ZBTB20: variants seen among roughly 807,000 people sequenced by gnomAD.
The protein encoded by ZBTB20 is zinc finger and BTB domain containing 20, also known as zinc finger and BTB domain-containing protein 20.
ZBTB20 carries 9 observed loss-of-function variants against 56.9 expected under a neutral mutation model. The ratio of observed to expected loss-of-function variants is 0.16; its 90% CI spans 0.10 to 0.28. ZBTB20 has a LOEUF of 0.28. Ranked by LOEUF, ZBTB20 falls within the 10% of genes least tolerant of loss-of-function variation. ZBTB20 has a pLI of 1.00. For synonymous variants in ZBTB20, 417 were observed against 420.7 expected (o/e 0.99, Z 0.11); for missense variants, 655 against 1,003.0 (o/e 0.65, Z 4.69).
intron 7 of ZBTB20, among the ~76,000 whole-genome samples, chr3:114,473,486 T>G (rs940438238): frequency 6.6e-6 from 1 of 152,176 alleles, no homozygotes; most frequent in Admixed American, 6.5e-5. Context: ...AGAGGTTTTG[T>G]AGCCCGGCAA....
At chr3:114,622,137 G>A (rs973956028) in intron 6 of ZBTB20, among the ~76,000 whole-genome samples, 1 of 152,048 alleles carries the variant, frequency 6.6e-6, no homozygotes, top group Admixed American at 6.6e-5. Context: ...CTTCAACGCA[G>A]TTCTAATAGA....
At chr3:115,065,582 T>C (rs576741507) in intron 2 of ZBTB20, among the ~76,000 whole-genome samples, 113 of 152,318 alleles carry the variant, frequency 7.4e-4, no homozygotes, top group Middle Eastern at 3.4e-3. Context: ...AAAACATGTG[T>C]TCAATCACGA....
intron 2 of ZBTB20, among the ~76,000 whole-genome samples, chr3:114,977,797 T>C (rs1375448470): frequency 6.6e-6 from 1 of 152,160 alleles, no homozygotes; most frequent in East Asian, 1.9e-4. Context: ...TGTTTACTAC[T>C]TAAAATTAAA....
intron 3 of ZBTB20, among the ~76,000 whole-genome samples, chr3:114,925,857 G>A (rs34220194): frequency 0.26 from 40,001 of 152,060 alleles, 5,496 homozygotes; most frequent in Middle Eastern, 0.34. Flanking sequence ...CATCGTCAAT[G>A]TTAATTGTGG....
At chr3:114,514,214 T>C (rs542711071) in intron 6 of ZBTB20, among the ~76,000 whole-genome samples, 2 of 152,296 alleles carry the variant, frequency 1.3e-5, no homozygotes, top group African/African-American at 4.8e-5. Context: ...AAAGAGGACT[T>C]ATTTAGAGTT....
chr3:114,532,075 C>A (rs2110036746), intron 6 of ZBTB20, among the ~76,000 whole-genome samples: 1 of 152,324 alleles, frequency 6.6e-6, no homozygotes, highest in East Asian at 1.9e-4. Context: ...TGGGCAGACA[C>A]TGAGCTAGCT....
intron 3 of ZBTB20, among the ~76,000 whole-genome samples, chr3:114,921,867 T>C (rs1469045018): frequency 6.6e-6 from 1 of 151,938 alleles, no homozygotes; most frequent in Non-Finnish European, 1.5e-5. Flanking sequence ...GTATAATAAA[T>C]ATACACATAT....
intron 2 of ZBTB20, among the ~76,000 whole-genome samples, chr3:115,013,013 A>T (rs2079787231): frequency 6.6e-6 from 1 of 151,848 alleles, no homozygotes; most frequent in Non-Finnish European, 1.5e-5. Flanking sequence ...GATTTATTGG[A>T]ACAAATGATA....
chr3:114,971,871 C>G (rs1473006065), intron 3 of ZBTB20, among the ~76,000 whole-genome samples: 1 of 152,082 alleles, frequency 6.6e-6, no homozygotes, highest in Non-Finnish European at 1.5e-5. Flanking sequence ...GTTGGAGGCC[C>G]CTCCTCATCA....
chr3:114,613,395 CA>C (rs747856144), intron 6 of ZBTB20, among the ~76,000 whole-genome samples: 3 of 152,136 alleles, frequency 2.0e-5, no homozygotes, highest in East Asian at 1.9e-4. Flanking sequence ...TTTGACCTTA[CA>C]TTTTTTTATT....
intron 6 of ZBTB20, among the ~76,000 whole-genome samples, chr3:114,619,075 C>T (rs2058136314): frequency 6.6e-6 from 1 of 152,158 alleles, no homozygotes; most frequent in Admixed American, 6.5e-5. Context: ...CAAATCCTGC[C>T]AGAATGAACT....
At chr3:115,040,959 T>G (rs2081117212) in intron 2 of ZBTB20, among the ~76,000 whole-genome samples, 3 of 152,102 alleles carry the variant, frequency 2.0e-5, no homozygotes, top group Non-Finnish European at 1.5e-5. Context: ...ATTCCTTTAT[T>G]CAAAAATCCC....
At chr3:115,134,349 G>A (rs565358220) in intron 1 of ZBTB20, among the ~76,000 whole-genome samples, 1 of 152,238 alleles carries the variant, frequency 6.6e-6, no homozygotes, top group Non-Finnish European at 1.5e-5. Context: ...GAAAGTGCCT[G>A]CAAAATCTCT....
intron 6 of ZBTB20, among the ~76,000 whole-genome samples, chr3:114,564,032 T>C (rs1473610912): frequency 6.6e-6 from 1 of 152,128 alleles, no homozygotes; most frequent in East Asian, 1.9e-4. Flanking sequence ...ATCCCTTTCC[T>C]TGAGTTTTCC....
At chr3:114,783,749 C>T (rs1182448826) in intron 5 of ZBTB20, among the ~76,000 whole-genome samples, 1 of 148,534 alleles carries the variant, frequency 6.7e-6, no homozygotes, top group African/African-American at 2.5e-5. Flanking sequence ...GCTGAGATCG[C>T]GCCACTGCAC....
chr3:114,345,261 C>T (rs148311643), intron 11 of ZBTB20, among the ~76,000 whole-genome samples: 147 of 152,072 alleles, frequency 9.7e-4, no homozygotes, highest in African/African-American at 3.4e-3. Context: ...TGTATATATA[C>T]GTGTGTGAAA....
rs548501853 is a variant in ZBTB20 at position 115,006,119 on chromosome 3, C to G, written c.-506-31703G>C. On this transcript the variant is annotated intron_variant, in intron 2 of 11. Transcript: ENST00000675478. ...CCCTGGATTTCTGCATCACTGGATC[C>G]TTCTTATCATTTGAGTCTCAACAGA... Among the ~76,000 whole-genome samples the G allele has an allele frequency of 5.9e-4, 90 of 151,730 alleles. 3 individuals are homozygous for G. The South Asian group carries it at 0.017, about 29-fold the overall frequency.
At chr3:114,702,313 A>C (rs1400968311) in intron 5 of ZBTB20, among the ~76,000 whole-genome samples, 1 of 152,128 alleles carries the variant, frequency 6.6e-6, no homozygotes, top group Non-Finnish European at 1.5e-5. Context: ...GTGCTACTGC[A>C]CTCCAGTCTG....
intron 3 of ZBTB20, among the ~76,000 whole-genome samples, chr3:114,959,142 T>A (rs1380530585): frequency 6.6e-6 from 1 of 152,110 alleles, no homozygotes; most frequent in Non-Finnish European, 1.5e-5. Context: ...TAATGACAAT[T>A]AGAGATGAAC....
Sources: gnomAD v4.1 joint callset for allele counts (sites outside exome capture counted in the v4.1 genomes callset) on GRCh38, gnomAD v4.1.1 for gene constraint, MANE v1.5 for transcripts, NCBI Gene and HGNC (gene_info 2026-07-23, HGNC 2026-07-21) for gene names.